CPXM2: variants seen among roughly 807,000 people sequenced by gnomAD.
The protein encoded by CPXM2 is carboxypeptidase X, M14 family member 2.
A neutral mutation model predicts 86.1 loss-of-function variants in CPXM2; 66 were observed. That is an observed-to-expected ratio of 0.77 (90% CI 0.63 to 0.94). CPXM2 has a LOEUF of 0.94. Among genes scored for constraint, CPXM2 ranks in the 40% least tolerant of loss-of-function variants. The probability of loss-of-function intolerance (pLI) is 0.00; values close to 1 mark genes in which losing one functional copy is unlikely to be tolerated. For synonymous variants in CPXM2, 388 were observed against 400.2 expected (o/e 0.97, Z 0.36); for missense variants, 948 against 1,026.3 (o/e 0.92, Z 1.04).
Position 123,828,255 on chromosome 10 carries a change from T to A in CPXM2, c.653+14094A>T, listed in dbSNP as rs576782137. Reference sequence around the variant, plus strand: ...CAACCGATTGTTTACAAGTGCAAAATCAATCTGATGGTGGAAGGATAGATC... The same window carrying A: ...CAACCGATTGTTTACAAGTGCAAAAACAATCTGATGGTGGAAGGATAGATC... On this transcript the variant is annotated intron_variant, in intron 4 of 13. Coordinates refer to ENST00000241305, the MANE Select transcript of CPXM2 (RefSeq NM_198148.3). 9.9e-5 allele frequency among the ~76,000 whole-genome samples: 15 copies of A among 152,166 alleles called. No homozygotes were observed. In the South Asian group the frequency reaches 3.1e-3, roughly 32 times the overall value.
Position 123,780,172 on chromosome 10 carries a change from G to T in CPXM2, c.973C>A (p.Arg325Ser), listed in dbSNP as rs747723133. ...CTTTGTGATCTGGGTCTTACCTGGC[G>T]CATTTCCTTATAATTGTGGTGCTTA... ...DFKHHNYKEM[R>S]QLMKVVNEMC... The change falls in exon 7 of 14, where the codon CGC (arginine) becomes AGC (serine). Residue 325 changes from arginine (R) to serine (S), a missense_variant. Physicochemically the swap from Arg to Ser is moderately radical, Grantham distance 110. Coordinates refer to ENST00000241305, the MANE Select transcript of CPXM2 (RefSeq NM_198148.3). 6.3e-7 allele frequency: 1 copy of T among 1,594,514 alleles called. No individual in the cohort carries two copies. Among genetic ancestry groups the T allele is most frequent in the Non-Finnish European group, 8.6e-7 (1 of 1,162,218 alleles).
chr10:123,821,376 G>T (rs544469058), intron 4 of CPXM2, among the ~76,000 whole-genome samples: 1 of 152,320 alleles, frequency 6.6e-6, no homozygotes, highest in South Asian at 2.1e-4. Context: ...GTTAGAAGTT[G>T]CATTCCTGGA....
intron 2 of CPXM2, among the ~76,000 whole-genome samples, chr10:123,916,483 A>G (rs1357142049): frequency 1.3e-5 from 2 of 152,202 alleles, no homozygotes; most frequent in African/African-American, 4.8e-5. Flanking sequence ...ATGGAGCCCC[A>G]TGGGAGTTCC....
intron 13 of CPXM2, among the ~76,000 whole-genome samples, chr10:123,748,615 C>T (rs1268288011): frequency 6.6e-6 from 1 of 152,096 alleles, no homozygotes; most frequent in Non-Finnish European, 1.5e-5. Context: ...GGCCCAGGTA[C>T]ACGCTCAGGT....
intron 6 of CPXM2, among the ~76,000 whole-genome samples, chr10:123,793,339 C>T (rs1847250275): frequency 6.6e-6 from 1 of 151,914 alleles, no homozygotes; most frequent in Non-Finnish European, 1.5e-5. Flanking sequence ...TGGCGGGGGC[C>T]TGTAGTCCCA....
At chr10:123,932,957 A>G (rs550209743) in intron 2 of CPXM2, among the ~76,000 whole-genome samples, 5 of 152,356 alleles carry the variant, frequency 3.3e-5, no homozygotes, top group African/African-American at 1.2e-4. Context: ...CTGGAGCACA[A>G]CTTCAAAAGG....
At chr10:123,934,340 T>C (rs1945695426) in intron 2 of CPXM2, among the ~76,000 whole-genome samples, 1 of 152,040 alleles carries the variant, frequency 6.6e-6, no homozygotes, top group Non-Finnish European at 1.5e-5. Flanking sequence ...TAGGTGGGGA[T>C]CTGTCCCTGC....
At chr10:123,770,695 G>T (rs1846606175) in intron 8 of CPXM2, among the ~76,000 whole-genome samples, 1 of 152,212 alleles carries the variant, frequency 6.6e-6, no homozygotes, top group African/African-American at 2.4e-5. Context: ...TCCATTTGGA[G>T]AAAAGATGGG....
intron 6 of CPXM2, among the ~76,000 whole-genome samples, chr10:123,790,843 G>T (rs1847190672): frequency 6.6e-6 from 1 of 152,104 alleles, no homozygotes; most frequent in Non-Finnish European, 1.5e-5. Context: ...TGAATGGATG[G>T]GTGGACATTC....
chr10:123,916,282 G>A (rs2134274736), intron 2 of CPXM2, among the ~76,000 whole-genome samples: 1 of 152,256 alleles, frequency 6.6e-6, no homozygotes. Flanking sequence ...GTAGGTGGTA[G>A]GATCCATGGA....
chr10:123,825,586 A>C (rs1343716211), intron 4 of CPXM2, among the ~76,000 whole-genome samples: 1 of 152,212 alleles, frequency 6.6e-6, no homozygotes, highest in African/African-American at 2.4e-5. Flanking sequence ...ACTAGCGTTC[A>C]CAGCTGCTAA....
intron 4 of CPXM2, among the ~76,000 whole-genome samples, chr10:123,824,664 T>G (rs1489407576): frequency 1.3e-5 from 2 of 152,334 alleles, no homozygotes. Context: ...CAGGCAGAAC[T>G]GGGCTCAAAG....
intron 6 of CPXM2, among the ~76,000 whole-genome samples, chr10:123,791,509 C>A (rs1847206312): frequency 6.6e-6 from 1 of 152,180 alleles, no homozygotes; most frequent in African/African-American, 2.4e-5. Context: ...CTTCCGATGT[C>A]CATTGGCTGC....
intron 6 of CPXM2, among the ~76,000 whole-genome samples, chr10:123,792,285 T>C (rs983810638): frequency 6.6e-6 from 1 of 152,132 alleles, no homozygotes; most frequent in Non-Finnish European, 1.5e-5. Flanking sequence ...TATTGAGCAC[T>C]AACCATGCAC....
intron 4 of CPXM2, among the ~76,000 whole-genome samples, chr10:123,818,134 G>A (rs1847850700): frequency 6.6e-6 from 1 of 152,204 alleles, no homozygotes; most frequent in South Asian, 2.1e-4. Flanking sequence ...CTATGTGAGT[G>A]TTCACCAACA....
At chr10:123,856,749 G>A (rs1002404241) in intron 3 of CPXM2, among the ~76,000 whole-genome samples, 6 of 151,958 alleles carry the variant, frequency 3.9e-5, no homozygotes, top group African/African-American at 1.5e-4. Flanking sequence ...GTGCCACCAC[G>A]CCCGGCTAAT....
chr10:123,907,217 T>G (rs2134266701), intron 2 of CPXM2, among the ~76,000 whole-genome samples: 1 of 152,328 alleles, frequency 6.6e-6, no homozygotes, highest in African/African-American at 2.4e-5. Context: ...GTAATTAACA[T>G]TCAGGCTGAA....
At chr10:123,912,020 A>T (rs1945492652) in intron 2 of CPXM2, among the ~76,000 whole-genome samples, 1 of 152,030 alleles carries the variant, frequency 6.6e-6, no homozygotes, top group Non-Finnish European at 1.5e-5. Context: ...AACTTGGAAG[A>T]GGACCAAGCG....
At chr10:123,815,890 G>A (rs1847804196) in intron 4 of CPXM2, among the ~76,000 whole-genome samples, 1 of 152,208 alleles carries the variant, frequency 6.6e-6, no homozygotes, top group African/African-American at 2.4e-5. Context: ...ATGGTGGAAG[G>A]AATGTAGAGT....
Sources: gnomAD v4.1 joint callset for allele counts (sites outside exome capture counted in the v4.1 genomes callset) on GRCh38, gnomAD v4.1.1 for gene constraint, MANE v1.5 for transcripts, NCBI Gene and HGNC (gene_info 2026-07-23, HGNC 2026-07-21) for gene names.